RIMS1: variants seen among roughly 807,000 people sequenced by gnomAD.
The protein encoded by RIMS1 is regulating synaptic membrane exocytosis 1.
A neutral mutation model predicts 214.1 loss-of-function variants in RIMS1; 83 were observed. The ratio of observed to expected loss-of-function variants is 0.39; its 90% confidence interval spans 0.32 to 0.47. RIMS1 has a LOEUF of 0.47. RIMS1 is among the 20% of genes least tolerant of loss of function. The pLI is 0.99. For synonymous variants in RIMS1, 793 were observed against 786.8 expected, an observed-to-expected ratio of 1.01 and a Z score of -0.13; for missense variants, 2,050 against 2,161.8, an observed-to-expected ratio of 0.95 and a Z score of 1.03.
intron 27 of RIMS1, among the ~76,000 whole-genome samples, chr6:72,308,059 G>C (rs1378349117): frequency 6.6e-6 from 1 of 151,870 alleles, no homozygotes; most frequent in Non-Finnish European, 1.5e-5. Flanking sequence ...GTACAACTTT[G>C]GATTGATATT....
At chr6:72,169,215 T>C (rs2046688848) in intron 4 of RIMS1, among the ~76,000 whole-genome samples, 1 of 152,220 alleles carries the variant, frequency 6.6e-6, no homozygotes, top group Non-Finnish European at 1.5e-5. Flanking sequence ...ATTTTTATCT[T>C]ATTTTAATTT....
chr6:71,947,103 C>T lies in RIMS1; in HGVS notation c.165-21880C>T, dbSNP rs112877328. 7.5e-4 allele frequency among the ~76,000 whole-genome samples: 114 copies of T among 152,020 alleles called. 3 individuals carry two copies. Among genetic ancestry groups the T allele is most frequent in the East Asian group, 4.6e-3 (24 of 5,170 alleles). ...ACCACAGTGAGATATCACTTTACAC[C>T]GTTAAAATGGCTAATATAAAAAAGA... On this transcript the variant is annotated intron_variant, in intron 1 of 33. Coordinates refer to ENST00000521978, the MANE Select transcript of RIMS1 (RefSeq NM_014989.7).
chr6:72,144,818 A>T (rs2042521684), intron 4 of RIMS1, among the ~76,000 whole-genome samples: 1 of 152,128 alleles, frequency 6.6e-6, no homozygotes, highest in Non-Finnish European at 1.5e-5. Context: ...GCAGACAAAA[A>T]CTTAAAAACA....
At chr6:72,351,823 T>A (rs1286371506) in intron 29 of RIMS1, among the ~76,000 whole-genome samples, 2 of 152,180 alleles carry the variant, frequency 1.3e-5, no homozygotes, top group African/African-American at 4.8e-5. Context: ...TTGGACTTCA[T>A]TTTTTTACAA....
At chr6:72,367,202 A>G (rs2098063573) in intron 29 of RIMS1, among the ~76,000 whole-genome samples, 1 of 152,224 alleles carries the variant, frequency 6.6e-6, no homozygotes, top group South Asian at 2.1e-4. Flanking sequence ...CCTTAAACTC[A>G]TTACTACCAA....
At chr6:71,985,720 T>C (rs1799747289) in intron 2 of RIMS1, among the ~76,000 whole-genome samples, 1 of 152,184 alleles carries the variant, frequency 6.6e-6, no homozygotes, top group South Asian at 2.1e-4. Context: ...CGTTAAACAT[T>C]TATCAGCAGA....
intron 28 of RIMS1, among the ~76,000 whole-genome samples, chr6:72,324,148 A>T (rs2096329712): frequency 1.3e-5 from 2 of 151,972 alleles, no homozygotes; most frequent in African/African-American, 2.4e-5. Flanking sequence ...CATGTTGAAG[A>T]AAAGTATCTC....
chr6:71,933,192 G>C (rs1250325407), intron 1 of RIMS1, among the ~76,000 whole-genome samples: 1 of 152,178 alleles, frequency 6.6e-6, no homozygotes, highest in African/African-American at 2.4e-5. Flanking sequence ...TGAAACAGAA[G>C]TAGATTAATT....
At chr6:72,345,469 T>C (rs1232656158) in intron 29 of RIMS1, among the ~76,000 whole-genome samples, 4 of 151,770 alleles carry the variant, frequency 2.6e-5, no homozygotes, top group African/African-American at 9.7e-5. Context: ...TGAAATACTC[T>C]TATTATTTGC....
intron 24 of RIMS1, among the ~76,000 whole-genome samples, chr6:72,287,783 G>A (rs926004686): frequency 6.6e-6 from 1 of 151,950 alleles, no homozygotes; most frequent in Non-Finnish European, 1.5e-5. Flanking sequence ...TAGTAGAGAC[G>A]GGGTTTCACC....
intron 22 of RIMS1, among the ~76,000 whole-genome samples, chr6:72,272,357 T>C (rs941909012): frequency 6.6e-6 from 1 of 152,150 alleles, no homozygotes; most frequent in Non-Finnish European, 1.5e-5. Context: ...AAAACTTAAG[T>C]GACATCTTTT....
intron 29 of RIMS1, among the ~76,000 whole-genome samples, chr6:72,343,305 C>A (rs1433225511): frequency 1.3e-5 from 2 of 151,424 alleles, no homozygotes; most frequent in Non-Finnish European, 3.0e-5. Context: ...ATTCTTAAGC[C>A]CATTTAATGA....
chr6:71,993,940 A>G (rs1317884073), intron 2 of RIMS1, among the ~76,000 whole-genome samples: 1 of 152,214 alleles, frequency 6.6e-6, no homozygotes, highest in Non-Finnish European at 1.5e-5. Flanking sequence ...GGTTAAATGA[A>G]CAATGTTTAA....
intron 2 of RIMS1, among the ~76,000 whole-genome samples, chr6:71,970,809 G>C (rs1399627509): frequency 6.6e-6 from 1 of 152,176 alleles, no homozygotes; most frequent in East Asian, 1.9e-4. Flanking sequence ...CCTTATGATA[G>C]CTGATTCTCT....
At chr6:72,224,563 T>C (rs2154057681) in intron 6 of RIMS1, among the ~76,000 whole-genome samples, 1 of 152,312 alleles carries the variant, frequency 6.6e-6, no homozygotes, top group South Asian at 2.1e-4. Context: ...TATTTTTAAA[T>C]AATTATATTG....
At position 72,313,578 on chromosome 6, in the gene RIMS1, G is replaced by A; in HGVS notation, c.4036G>A (p.Asp1346Asn). The A allele has an allele frequency of 6.2e-7, 1 of 1,613,816 alleles. No homozygotes were observed. The highest frequency in any genetic ancestry group is 8.5e-7 in the Non-Finnish European group (1 of 1,179,806). ...CAAATCATCAGATAGTGATGTCAGT[G>A]ATGTTTCCGCCATTTCCCGAACCAG... ...SAKSSDSDVS[D>N]VSAISRTSSA... is the part of the protein sequence containing the mutation. Residue 1346 changes from aspartate to asparagine, a missense_variant, in exon 28 of 34, where the codon GAT becomes AAT. Asp to Asn is a conservative substitution (Grantham distance 23, BLOSUM62 1). Transcript: ENST00000521978.
intron 11 of RIMS1, among the ~76,000 whole-genome samples, chr6:72,246,579 G>T (rs1214590667): frequency 6.6e-6 from 1 of 152,078 alleles, no homozygotes; most frequent in Non-Finnish European, 1.5e-5. Flanking sequence ...AATAAAAGGT[G>T]ATTTAGGGGA....
At chr6:71,988,327 C>T (rs1240801139) in intron 2 of RIMS1, among the ~76,000 whole-genome samples, 2 of 151,996 alleles carry the variant, frequency 1.3e-5, no homozygotes, top group African/African-American at 2.4e-5. Flanking sequence ...TTGCCATTTC[C>T]TTGTCTATCT....
intron 1 of RIMS1, among the ~76,000 whole-genome samples, chr6:71,965,896 C>A (rs917030504): frequency 6.6e-6 from 1 of 152,084 alleles, no homozygotes. Context: ...CAGAGACAGA[C>A]CCCTTAAAAG....
Sources: allele counts gnomAD v4.1 joint callset (sites outside exome capture counted in the v4.1 genomes callset), GRCh38; gene constraint gnomAD v4.1.1; transcripts MANE v1.5; gene names NCBI Gene and HGNC (gene_info 2026-07-23, HGNC 2026-07-21).